GRIK2: variants seen among roughly 807,000 people sequenced by gnomAD.
GRIK2 encodes glutamate ionotropic receptor kainate type subunit 2, also known as glutamate receptor ionotropic, kainate 2.
A neutral mutation model predicts 100.3 loss-of-function variants in GRIK2; 32 were observed. The ratio of observed to expected loss-of-function variants is 0.32; its 90% CI spans 0.24 to 0.43. The LOEUF (loss-of-function observed/expected upper bound fraction) is 0.43. GRIK2 is among the 20% of genes least tolerant of loss of function. The pLI is 1.00. For synonymous variants in GRIK2, 417 were observed against 389.4 expected (o/e 1.07, Z -0.83); for missense variants, 843 against 1,114.9 (o/e 0.76, Z 3.47).
intron 7 of GRIK2, among the ~76,000 whole-genome samples, chr6:101,749,432 G>A (rs1325525595): frequency 2.6e-5 from 4 of 152,036 alleles, no homozygotes; most frequent in Non-Finnish European, 5.9e-5. Flanking sequence ...TTGCTAAGCA[G>A]AATTTAAAGC....
intron 7 of GRIK2, among the ~76,000 whole-genome samples, chr6:101,741,107 AG>A (rs1251562768): frequency 2.0e-5 from 3 of 152,230 alleles, no homozygotes; most frequent in Non-Finnish European, 4.4e-5. Context: ...GAAAGCCACA[AG>A]CATGCAAGTA....
intron 11 of GRIK2, among the ~76,000 whole-genome samples, chr6:101,864,507 A>G (rs1302925673): frequency 6.6e-6 from 1 of 152,226 alleles, no homozygotes; most frequent in Non-Finnish European, 1.5e-5. Flanking sequence ...GCATACAAAC[A>G]GTTCTAAGAC....
chr6:101,991,667 T>C (rs985852830), intron 14 of GRIK2, among the ~76,000 whole-genome samples: 5 of 151,350 alleles, frequency 3.3e-5, no homozygotes, highest in East Asian at 1.9e-4. Flanking sequence ...ATCTGTGAAA[T>C]AGAAAAAACA....
chr6:101,977,231 CTATGT>C (rs58581420), intron 14 of GRIK2, among the ~76,000 whole-genome samples: 43,187 of 146,296 alleles, frequency 0.3, 7,142 homozygotes, highest in South Asian at 0.44. Context: ...TTATTAGTGG[CTATGT>C]TATGTTATGT....
At chr6:101,665,180 A>C (rs1769928403) in intron 4 of GRIK2, among the ~76,000 whole-genome samples, 1 of 152,106 alleles carries the variant, frequency 6.6e-6, no homozygotes. Flanking sequence ...AGTCTTGCAT[A>C]TTGGGCCCAG....
chr6:101,785,138 A>G lies in GRIK2; in HGVS notation c.952-14510A>G, dbSNP rs746729838. Among the ~76,000 whole-genome samples the G allele has an allele frequency of 4.7e-5, 7 of 150,180 alleles. No homozygotes were observed. In the Middle Eastern group the frequency reaches 0.024, roughly 511 times the overall value. On this transcript the variant is annotated intron_variant, in intron 7 of 16. Coordinates refer to ENST00000369134, the MANE Select transcript of GRIK2 (RefSeq NM_021956.5). Reference sequence around the variant, plus strand: ...GTTCACATCCTCTGCCCACTTTTTAATGGGATTTTTTATTTATTTATTTTT... The same window carrying G: ...GTTCACATCCTCTGCCCACTTTTTAGTGGGATTTTTTATTTATTTATTTTT...
chr6:102,061,079 C>A (rs1195866621), intron 16 of GRIK2, among the ~76,000 whole-genome samples: 2 of 150,244 alleles, frequency 1.3e-5, no homozygotes, highest in African/African-American at 2.4e-5. Flanking sequence ...TCTTGATATA[C>A]AAATATAAAA....
chr6:102,052,849 G>A (rs1562141476), intron 15 of GRIK2, among the ~76,000 whole-genome samples: 1 of 152,116 alleles, frequency 6.6e-6, no homozygotes, highest in Non-Finnish European at 1.5e-5. Context: ...ACTTTACAGG[G>A]CAGGTGGATT....
chr6:101,787,675 T>A (rs996007122), intron 7 of GRIK2, among the ~76,000 whole-genome samples: 6 of 152,180 alleles, frequency 3.9e-5, no homozygotes, highest in African/African-American at 1.4e-4. Flanking sequence ...TATTTGACTT[T>A]TGCACCTTTT....
intron 7 of GRIK2, among the ~76,000 whole-genome samples, chr6:101,739,983 A>G (rs1386692615): frequency 2.6e-5 from 4 of 152,106 alleles, no homozygotes; most frequent in African/African-American, 9.7e-5. Context: ...TTGCTCACCT[A>G]TGAAATGCTA....
intron 14 of GRIK2, among the ~76,000 whole-genome samples, chr6:102,010,281 A>G (rs1012716798): frequency 1.3e-4 from 20 of 152,000 alleles, no homozygotes; most frequent in Non-Finnish European, 1.5e-5. Context: ...TTTATCTACC[A>G]TTATAGTGTA....
At chr6:101,699,311 T>C (rs1291642803) in intron 7 of GRIK2, among the ~76,000 whole-genome samples, 1 of 152,126 alleles carries the variant, frequency 6.6e-6, no homozygotes, top group Admixed American at 6.6e-5. Flanking sequence ...TCATCACTAG[T>C]ACTAGAGCTC....
intron 2 of GRIK2, among the ~76,000 whole-genome samples, chr6:101,592,087 C>T (rs538006076): frequency 5.3e-5 from 8 of 152,090 alleles, no homozygotes; most frequent in African/African-American, 1.9e-4. Flanking sequence ...TCTTTGCCTT[C>T]TGCCATGATT....
chr6:101,561,725 G>C (rs1004498800), intron 2 of GRIK2, among the ~76,000 whole-genome samples: 6 of 152,148 alleles, frequency 3.9e-5, no homozygotes, highest in Non-Finnish European at 1.5e-5. Flanking sequence ...AGGCATGCAA[G>C]AGGGAGTAAT....
At chr6:101,412,950 G>A (rs1775951763) in intron 2 of GRIK2, among the ~76,000 whole-genome samples, 1 of 151,918 alleles carries the variant, frequency 6.6e-6, no homozygotes, top group Non-Finnish European at 1.5e-5. Context: ...AAACCCGATA[G>A]CCACAAGTAA....
intron 2 of GRIK2, among the ~76,000 whole-genome samples, chr6:101,605,648 G>A (rs1412334340): frequency 1.3e-5 from 2 of 151,888 alleles, no homozygotes; most frequent in East Asian, 1.9e-4. Context: ...ATTGCACTCC[G>A]GCCTAGGTGA....
chr6:101,482,694 C>T (rs1772596643), intron 2 of GRIK2, among the ~76,000 whole-genome samples: 2 of 151,648 alleles, frequency 1.3e-5, no homozygotes, highest in Admixed American at 6.6e-5. Flanking sequence ...GACTATTAGA[C>T]TAATATAGAT....
intron 2 of GRIK2, among the ~76,000 whole-genome samples, chr6:101,400,588 C>T (rs368553463): frequency 6.6e-6 from 1 of 152,276 alleles, no homozygotes; most frequent in Admixed American, 6.5e-5. Context: ...TTAAGTCACT[C>T]GGTCAAATTT....
intron 2 of GRIK2, among the ~76,000 whole-genome samples, chr6:101,589,151 G>A (rs1350672611): frequency 2.0e-5 from 3 of 152,070 alleles, no homozygotes; most frequent in African/African-American, 4.8e-5. Context: ...CAGGTAATTA[G>A]CAACAGTTTT....
Sources: allele counts gnomAD v4.1 joint callset (sites outside exome capture counted in the v4.1 genomes callset), GRCh38; gene constraint gnomAD v4.1.1; transcripts MANE v1.5; gene names NCBI Gene and HGNC (gene_info 2026-07-23, HGNC 2026-07-21).